PLEKHG4B: variants seen among roughly 807,000 people sequenced by gnomAD.
PLEKHG4B encodes pleckstrin homology and RhoGEF domain containing G4B.
PLEKHG4B carries 111 observed loss-of-function variants against 121.3 expected under a neutral mutation model. The observed-to-expected ratio is 0.92, with a 90% CI of 0.78 to 1.07. The LOEUF is 1.07. Ranked by LOEUF, PLEKHG4B falls within the 50% of genes least tolerant of loss-of-function variation. The probability of loss-of-function intolerance (pLI) is 0.00; values close to 1 mark genes in which losing one functional copy is unlikely to be tolerated. For synonymous variants in PLEKHG4B, 738 were observed against 725.0 expected (o/e 1.02, Z -0.29); for missense variants, 1,831 against 1,757.8 (o/e 1.04, Z -0.74).
At chr5:135,675 AAAAAAAAATATATATATATATATATAT>A (rs1734943591) in intron 2 of PLEKHG4B, among the ~76,000 whole-genome samples, 4 of 73,150 alleles carry the variant, frequency 5.5e-5, no homozygotes, top group Admixed American at 1.5e-4. Flanking sequence ...CAAAAAAAAA[AAAAAAAAATATATATATATATATATAT>A]ATATATATAT....
chr5:140,857 C>G (rs1404744370), intron 3 of PLEKHG4B, 141 bp downstream of exon 3: 2 of 526,752 alleles, frequency 3.8e-6, no homozygotes, highest in Non-Finnish European at 6.3e-6. Flanking sequence ...CCCCTGCACA[C>G]CCCCACCCTC....
At chr5:171,468 C>G in intron 16 of PLEKHG4B, 24 bp downstream of exon 16, 1 of 1,547,658 alleles carries the variant, frequency 6.5e-7, no homozygotes. Flanking sequence ...ACGCTGGCAG[C>G]TCAGGCAAGC....
At chr5:121,108 A>G (rs1734454249) in intron 2 of PLEKHG4B, among the ~76,000 whole-genome samples, 1 of 151,936 alleles carries the variant, frequency 6.6e-6, no homozygotes, top group Non-Finnish European at 1.5e-5. Context: ...TTAGCCAGTC[A>G]TGGTGGCGGG....
chr5:172,672 A>G (rs997490627), intron 16 of PLEKHG4B, among the ~76,000 whole-genome samples: 1 of 152,112 alleles, frequency 6.6e-6, no homozygotes, highest in African/African-American at 2.4e-5. Flanking sequence ...GTTGGGGGGA[A>G]CTGGGTGAGT....
At chr5:105,887 T>C (rs1467172232) in intron 1 of PLEKHG4B, among the ~76,000 whole-genome samples, 1 of 152,328 alleles carries the variant, frequency 6.6e-6, no homozygotes, top group South Asian at 2.1e-4. Flanking sequence ...GGGGGGCCCA[T>C]GAGCCGAGCA....
chr5:132,511 T>A (rs1734808464), intron 2 of PLEKHG4B, among the ~76,000 whole-genome samples: 2 of 152,252 alleles, frequency 1.3e-5, no homozygotes, highest in Non-Finnish European at 2.9e-5. Flanking sequence ...TCTTTTAGAA[T>A]GTTTATGGTT....
At chr5:176,632 G>A (rs1429303978) in intron 18 of PLEKHG4B, among the ~76,000 whole-genome samples, 1 of 152,224 alleles carries the variant, frequency 6.6e-6, no homozygotes, top group Non-Finnish European at 1.5e-5. Flanking sequence ...TGAGGAGGCG[G>A]AGGCTTGTTC....
At chr5:112,764 G>A (rs982187533) in intron 1 of PLEKHG4B, among the ~76,000 whole-genome samples, 8 of 152,314 alleles carry the variant, frequency 5.3e-5, no homozygotes, top group South Asian at 4.1e-4. Context: ...TGAGAACAAA[G>A]TGGCGCGTGG....
At chr5:114,419 G>A (rs562027645) in intron 2 of PLEKHG4B, among the ~76,000 whole-genome samples, 1 of 152,282 alleles carries the variant, frequency 6.6e-6, no homozygotes, top group Non-Finnish European at 1.5e-5. Context: ...TTTCAACAGT[G>A]TTCACAGCAT....
At position 140,103 on chromosome 5, in the gene PLEKHG4B, C is replaced by T. The variant is rs530571215; in HGVS notation, c.864C>T (p.Phe288=). Residue 288 remains phenylalanine (F), a synonymous_variant, in exon 3 of 20, where the codon TTC becomes TTT. Transcript: ENST00000637938. The part of the protein sequence containing the change: ...RTLSGSSDRD[F]EKVSPSEQGP... Reference sequence around the variant, plus strand: ...TGTCTGGAAGCTCAGACAGGGACTTCGAAAAGGTCAGCCCCTCAGAGCAGG... The same window carrying T: ...TGTCTGGAAGCTCAGACAGGGACTTTGAAAAGGTCAGCCCCTCAGAGCAGG... 5 of 495,818 alleles carry T rather than the reference C, an allele frequency of 1.0e-5. No homozygotes were observed. The highest frequency in any genetic ancestry group is 4.1e-5 in the South Asian group (1 of 24,408). The allele number at this position is 495,818 out of a possible 1,614,324, so 30.7% of individuals were successfully genotyped here.
intron 18 of PLEKHG4B, among the ~76,000 whole-genome samples, chr5:181,039 CT>C (rs1468892294): frequency 1.3e-5 from 2 of 152,180 alleles, no homozygotes; most frequent in African/African-American, 2.4e-5. Context: ...TTAATATCAT[CT>C]TTTTTCTTTG....
At chr5:120,995 C>T (rs908128965) in intron 2 of PLEKHG4B, among the ~76,000 whole-genome samples, 1 of 152,088 alleles carries the variant, frequency 6.6e-6, no homozygotes, top group African/African-American at 2.4e-5. Flanking sequence ...GCCTGTAATC[C>T]CAGCACTTTG....
intron 13 of PLEKHG4B, among the ~76,000 whole-genome samples, chr5:166,446 G>A (rs1239283867): frequency 8.5e-6 from 1 of 117,102 alleles, no homozygotes; most frequent in East Asian, 2.4e-4. Flanking sequence ...TCACACTAAT[G>A]CTCTGACGGG....
chr5:111,473 C>T (rs951611089), intron 1 of PLEKHG4B, among the ~76,000 whole-genome samples: 14 of 152,194 alleles, frequency 9.2e-5, no homozygotes, highest in Admixed American at 2.0e-4. Context: ...TTATGTCGGG[C>T]GGTTGAGACG....
chr5:144,098 CAA>C (rs1735322893), intron 5 of PLEKHG4B: 1 of 155,442 alleles, frequency 6.4e-6, no homozygotes, highest in Non-Finnish European at 1.4e-5. Context: ...TAAGACTAGT[CAA>C]GTGTAGTAGT....
At chr5:140,739 C>T (rs766848977) in intron 3 of PLEKHG4B, 23 bp downstream of exon 3, 16 of 1,521,970 alleles carry the variant, frequency 1.1e-5, no homozygotes, top group Non-Finnish European at 1.4e-5. Context: ...CACGCCCTCC[C>T]CTGCGCACCC....
Position 164,859 on chromosome 5 carries a change from G to A in PLEKHG4B, c.3476+1311G>A, listed in dbSNP as rs1261407936. ...TCACACTAATGCTGTGACAGGGGGCGGGGCTCACAGTAATGCTCTGACGGG... is the reference window on the plus strand; with the variant it reads ...TCACACTAATGCTGTGACAGGGGGCAGGGCTCACAGTAATGCTCTGACGGG... On this transcript the variant is annotated intron_variant, in intron 13 of 19. Coordinates refer to ENST00000637938, the MANE Select transcript of PLEKHG4B (RefSeq NM_052909.5). Among the ~76,000 whole-genome samples, 50 of 124,622 alleles carry A rather than the reference G, an allele frequency of 4.0e-4. 5 individuals are homozygous for A. Among genetic ancestry groups the A allele is most frequent in the South Asian group, 2.1e-3 (8 of 3,812 alleles). 81.8% of individuals were successfully genotyped at this position (124,622 alleles called of 152,430 possible).
Position 182,092 on chromosome 5 carries a change from C to T in PLEKHG4B, c.4653C>T (p.Ser1551=). The T allele has an allele frequency of 6.2e-7, 1 of 1,614,174 alleles. No individual in the cohort carries two copies. Among genetic ancestry groups the T allele is most frequent in the Non-Finnish European group, 8.5e-7 (1 of 1,180,042 alleles). The change falls in exon 20 of 20, where the codon AGC becomes AGT. Residue 1551 remains serine (S), a synonymous_variant. Coordinates refer to ENST00000637938, the MANE Select transcript of PLEKHG4B (RefSeq NM_052909.5). ...CACACTCCACCATCTCAGACAGCAG[C>T]ACCTCCTCTTCTAGCAGCCAGTCCT... is the stretch of plus-strand genomic sequence containing the variant. ...KRPHSTISDS[S]TSSSSSQSSS...
At chr5:124,856 G>A (rs1734567913) in intron 2 of PLEKHG4B, among the ~76,000 whole-genome samples, 1 of 152,188 alleles carries the variant, frequency 6.6e-6, no homozygotes, top group African/African-American at 2.4e-5. Flanking sequence ...TTTGCAGGCT[G>A]GGTGTGGTGG....
Sources: gnomAD v4.1 joint callset for allele counts (sites outside exome capture counted in the v4.1 genomes callset) on GRCh38, gnomAD v4.1.1 for gene constraint, MANE v1.5 for transcripts, NCBI Gene and HGNC (gene_info 2026-07-23, HGNC 2026-07-21) for gene names.